Variants in VBP1 observed in about 807,000 individuals in gnomAD.
The protein encoded by VBP1 is VHL binding protein 1.
A neutral mutation model predicts 15.5 loss-of-function variants in VBP1; 4 were observed. The observed-to-expected ratio is 0.26, with a 90% CI of 0.13 to 0.59. The LOEUF is 0.59. Among genes scored for constraint, VBP1 ranks in the 20% least tolerant of loss-of-function variants. The pLI, the probability that VBP1 is intolerant of heterozygous loss-of-function variation, is 0.90. For synonymous variants in VBP1, 61 were observed against 52.1 expected (o/e 1.17, Z -0.74); for missense variants, 108 against 139.6 (o/e 0.77, Z 1.14).
chrX:155,238,528 C>G (rs2074784511), intron 5 of VBP1, among the ~76,000 whole-genome samples: 1 of 112,198 alleles, frequency 8.9e-6, no homozygotes, highest in Non-Finnish European at 1.9e-5. Flanking sequence ...TGACAGTTGA[C>G]TAATACCATA....
At position 155,238,917 on chromosome X, in the gene VBP1, A is replaced by T. The variant is rs1185155083; in HGVS notation, c.*75A>T. ...TACCCCTTTATCCTTACAGGTTGACATAACTTTGAATGTTTTAACAGCAAG... is the reference window on the plus strand; with the variant it reads ...TACCCCTTTATCCTTACAGGTTGACTTAACTTTGAATGTTTTAACAGCAAG... On this transcript the variant is annotated 3_prime_UTR_variant, in exon 6 of 6. Transcript: ENST00000286428. 3.9e-6 allele frequency: 3 copies of T among 773,808 alleles called. No homozygotes were observed. Among genetic ancestry groups the T allele is most frequent in the Admixed American group, 3.6e-5 (1 of 27,992 alleles). The allele number at this position is 773,808 out of a possible 1,213,427, so 63.8% of individuals were successfully genotyped here.
At chrX:155,216,450 C>G, upstream of VBP1, 6 of 1,162,179 alleles carry the variant, frequency 5.2e-6, no homozygotes, top group Non-Finnish European at 6.9e-6. Flanking sequence ...CGGCCGGCGG[C>G]CCGGGAGGCA....
intron 1 of VBP1, among the ~76,000 whole-genome samples, chrX:155,206,682 A>G (rs1401384137): frequency 9.0e-6 from 1 of 110,913 alleles, no homozygotes; most frequent in Admixed American, 9.7e-5. Context: ...GAATGAGCCC[A>G]AGGGTCGTCT....
Position 155,236,375 on chromosome X carries a change from T to C in VBP1, c.523+8T>C. On this transcript the variant is annotated splice_region_variant and intron_variant, in intron 5 of 5. Coordinates refer to ENST00000286428, the MANE Select transcript of VBP1 (RefSeq NM_003372.7). The stretch of plus-strand genomic sequence containing the variant: ...TTACTACCACAGAAGTCAGTATCCT[T>C]TCTTAAAACAAAAAGCAAGGGAAAA... 4 of 1,190,820 alleles carry C rather than the reference T, an allele frequency of 3.4e-6. No homozygotes were observed. The highest frequency in any genetic ancestry group is 4.5e-6 in the Non-Finnish European group (4 of 886,960).
intron 1 of VBP1, among the ~76,000 whole-genome samples, chrX:155,200,855 A>G (rs1557307335): frequency 9.0e-6 from 1 of 110,830 alleles, no homozygotes; most frequent in Non-Finnish European, 1.9e-5. Flanking sequence ...AAATTGATAG[A>G]CCGCTAGCAA....
At chrX:155,220,403 C>G (rs1179885815) in intron 2 of VBP1, 96 bp downstream of exon 2, 1 of 792,866 alleles carries the variant, frequency 1.3e-6, no homozygotes, top group South Asian at 4.0e-5. Context: ...ATTCAGATGT[C>G]AAGTGTTCAG....
chrX:155,233,275 C>G (rs1352460499), intron 4 of VBP1, among the ~76,000 whole-genome samples: 1 of 111,515 alleles, frequency 9.0e-6, no homozygotes, highest in East Asian at 2.8e-4. Context: ...TTGGCAAAAT[C>G]CGGTTCTCTG....
At chrX:155,224,202 C>T (rs1388546711) in intron 2 of VBP1, among the ~76,000 whole-genome samples, 5 of 112,529 alleles carry the variant, frequency 4.4e-5, no homozygotes, top group Non-Finnish European at 9.4e-5. Flanking sequence ...GATGGGGTGG[C>T]GGCCGGGCAG....
At chrX:155,224,221 A>G (rs1296349436) in intron 2 of VBP1, among the ~76,000 whole-genome samples, 4 of 112,479 alleles carry the variant, frequency 3.6e-5, no homozygotes, top group Admixed American at 9.3e-5. Context: ...AGAGGCTGCA[A>G]TCTCGGCACT....
intron 4 of VBP1, among the ~76,000 whole-genome samples, chrX:155,230,191 G>A (rs998472944): frequency 3.6e-5 from 4 of 111,080 alleles, no homozygotes; most frequent in African/African-American, 9.8e-5. Context: ...TGGTGTTCGC[G>A]GACAGTCTTT....
At chrX:155,222,990 C>T (rs868919519) in intron 2 of VBP1, among the ~76,000 whole-genome samples, 9 of 110,267 alleles carry the variant, frequency 8.2e-5, no homozygotes, top group Non-Finnish European at 1.1e-4. Context: ...GGCTACTTTT[C>T]TCTTTTTATT....
chrX:155,236,097 C>T, intron 4 of VBP1, 132 bp from the exon 5 acceptor site: 1 of 691,404 alleles, frequency 1.4e-6, no homozygotes, highest in Non-Finnish European at 2.1e-6. Context: ...AGCTGGGCTC[C>T]AGTGAAACTT....
At chrX:155,203,421 T>C (rs1324263951) in intron 1 of VBP1, among the ~76,000 whole-genome samples, 30 of 110,660 alleles carry the variant, frequency 2.7e-4, no homozygotes, top group African/African-American at 9.2e-4. Context: ...CATGGAATAC[T>C]ATGCAGCCAT....
chrX:155,209,032 T>C, intron 2 of VBP1: 1 of 1,068,393 alleles, frequency 9.4e-7, no homozygotes, highest in Non-Finnish European at 1.3e-6. Context: ...AGGCAGTCAC[T>C]GGAGGCAGGA....
At chrX:155,235,309 A>C (rs2074766855) in intron 4 of VBP1, among the ~76,000 whole-genome samples, 2 of 111,214 alleles carry the variant, frequency 1.8e-5, no homozygotes, top group South Asian at 7.5e-4. Context: ...ATTTTAATAC[A>C]GTTTTCTAAT....
upstream of VBP1, among the ~76,000 whole-genome samples, chrX:155,212,279 G>A (rs1023712361): frequency 4.5e-5 from 5 of 111,950 alleles, no homozygotes; most frequent in Non-Finnish European, 7.5e-5. Context: ...AGGAGATTCA[G>A]GAACATGAAA....
At chrX:155,228,272 C>A in intron 3 of VBP1, 112 bp from the exon 4 acceptor site, 1 of 577,858 alleles carries the variant, frequency 1.7e-6, no homozygotes, top group Non-Finnish European at 2.7e-6. Flanking sequence ...ACTTAGCCTG[C>A]ATGATGGTAC....
intron 2 of VBP1, 131 bp downstream of exon 2, chrX:155,220,438 G>C (rs1207374156): frequency 1.9e-6 from 1 of 515,547 alleles, no homozygotes; most frequent in East Asian, 4.6e-5. Flanking sequence ...TGTACCATAT[G>C]AAATTCCCAC....
chrX:155,215,233 AT>A (rs1248435153), upstream of VBP1, among the ~76,000 whole-genome samples: 4 of 110,855 alleles, frequency 3.6e-5, no homozygotes, highest in Non-Finnish European at 5.7e-5. Flanking sequence ...CAAAAACAAA[AT>A]TTTTTTTTGG....
Sources: allele counts gnomAD v4.1 joint callset (sites outside exome capture counted in the v4.1 genomes callset), GRCh38; gene constraint gnomAD v4.1.1; transcripts MANE v1.5; gene names NCBI Gene and HGNC (gene_info 2026-07-23, HGNC 2026-07-21).